GALM: variants seen among roughly 807,000 people sequenced by gnomAD.
GALM encodes galactose mutarotase.
A neutral mutation model predicts 37.4 loss-of-function variants in GALM; 43 were observed. The observed-to-expected ratio is 1.15, with a 90% confidence interval of 0.90 to 1.48. The LOEUF is 1.48. GALM is among the 40% of genes most tolerant of loss of function. The pLI is 0.00. For missense variants in GALM, 456 were observed against 419.1 expected (o/e 1.09, Z -0.77); for synonymous variants, 199 against 170.6 (o/e 1.17, Z -1.30).
chr2:38,682,619 A>G (rs948523410), intron 3 of GALM, among the ~76,000 whole-genome samples: 23 of 152,212 alleles, frequency 1.5e-4, no homozygotes, highest in African/African-American at 4.8e-4. Context: ...AAACAAGGCC[A>G]GGTGCTGTGG....
At chr2:38,707,366 G>A (rs780589538) in intron 4 of GALM, among the ~76,000 whole-genome samples, 23 of 152,216 alleles carry the variant, frequency 1.5e-4, no homozygotes, top group African/African-American at 4.3e-4. Context: ...GGAAACTCTA[G>A]GAAACAACCA....
At chr2:38,685,674 C>A (rs568832936) in intron 3 of GALM, among the ~76,000 whole-genome samples, 2 of 152,042 alleles carry the variant, frequency 1.3e-5, no homozygotes, top group East Asian at 3.9e-4. Flanking sequence ...GTTTTTCCAG[C>A]CTAGAAGAGT....
rs1287397244 is a variant in GALM at position 38,729,629 on chromosome 2, C to T, written c.708C>T (p.Asp236=). 1.9e-6 allele frequency: 3 copies of T among 1,613,206 alleles called. No homozygotes were observed. Among genetic ancestry groups the T allele is most frequent in the Non-Finnish European group, 2.5e-6 (3 of 1,179,206 alleles). ...TGGAGCTTGGAAAACACCTGCAGGA[C>T]TTCCATCTCAATGGTTTTGACCACA... ...KPVELGKHLQ[D]FHLNGFDHNF... is the part of the protein sequence containing the mutation. The change falls in exon 5 of 7, where the codon GAC becomes GAT. Residue 236 remains aspartate, a synonymous_variant. Transcript: ENST00000272252.
At chr2:38,686,086 G>A (rs1410781855) in intron 3 of GALM, among the ~76,000 whole-genome samples, 1 of 151,668 alleles carries the variant, frequency 6.6e-6, no homozygotes, top group Non-Finnish European at 1.5e-5. Context: ...GAGGGTGGGT[G>A]CCTGATGAAT....
At chr2:38,701,470 T>A (rs1304045560) in intron 4 of GALM, among the ~76,000 whole-genome samples, 4 of 152,220 alleles carry the variant, frequency 2.6e-5, no homozygotes, top group Admixed American at 6.5e-5. Flanking sequence ...TCTTCTTTTT[T>A]ATTCTTATAA....
chr2:38,730,278 C>T (rs915268784), intron 5 of GALM, among the ~76,000 whole-genome samples: 13 of 152,090 alleles, frequency 8.5e-5, no homozygotes, highest in Non-Finnish European at 1.8e-4. Flanking sequence ...TGTGTGTGTG[C>T]GTGTGTGTGA....
At chr2:38,712,253 T>A (rs1354117400) in intron 4 of GALM, among the ~76,000 whole-genome samples, 1 of 152,208 alleles carries the variant, frequency 6.6e-6, no homozygotes, top group African/African-American at 2.4e-5. Flanking sequence ...CACCTAGTCA[T>A]ACACAAGGTC....
Position 38,675,955 on chromosome 2 carries a change from G to T in GALM, c.234G>T (p.Arg78Ser). ...KQPYFGAVIG[R>S]VANRIAKGTF... The stretch of plus-strand genomic sequence containing the variant: ...CATACTTTGGAGCAGTTATTGGGAG[G>T]GTGGCCAACCGAATCGCCAAAGGAA... Residue 78 changes from arginine (R) to serine (S), a missense_variant, in exon 2 of 7, where the codon AGG becomes AGT. Transcript: ENST00000272252. 1 of 1,614,054 alleles carries T rather than the reference G, an allele frequency of 6.2e-7. No homozygotes were observed. Among genetic ancestry groups the T allele is most frequent in the East Asian group, 2.2e-5 (1 of 44,878 alleles).
chr2:38,686,211 A>G (rs1665515154), intron 3 of GALM, among the ~76,000 whole-genome samples: 1 of 113,158 alleles, frequency 8.8e-6, no homozygotes, highest in Non-Finnish European at 1.9e-5. Context: ...AAAACCACAG[A>G]AAGTGGAAAT....
rs1255611902 is a variant in GALM, at chr2:38,675,988, G to C, written c.267G>C (p.Lys89Asn). ...VANRIAKGTFKVDGKEYHLAI... is the reference protein window; with the variant it reads ...VANRIAKGTFNVDGKEYHLAI... ...ACCGAATCGCCAAAGGAACCTTCAA[G>C]GTGGATGGGAAGGAGTATCACCTGG... Residue 89 changes from lysine (K) to asparagine (N), a missense_variant, in exon 2 of 7, where the codon AAG (lysine) becomes AAC (asparagine). Lys to Asn is a moderately conservative substitution (Grantham distance 94). Transcript: ENST00000272252. 4 of 1,613,976 alleles carry C rather than the reference G, an allele frequency of 2.5e-6. No individual in the cohort carries two copies. Among genetic ancestry groups the C allele is most frequent in the African/African-American group, 2.7e-5 (2 of 74,902 alleles).
intron 3 of GALM, among the ~76,000 whole-genome samples, chr2:38,688,505 C>T (rs556930979): frequency 3.3e-4 from 49 of 149,866 alleles, no homozygotes; most frequent in East Asian, 2.0e-4. Context: ...GAGCGAAACT[C>T]GGTCTCAGAA....
intron 6 of GALM, among the ~76,000 whole-genome samples, chr2:38,732,494 A>G (rs1666628090): frequency 6.6e-6 from 1 of 152,198 alleles, no homozygotes; most frequent in South Asian, 2.1e-4. Flanking sequence ...CTCCTTAACA[A>G]TACCTTCTCG....
chr2:38,680,230 C>T (rs528670068), intron 2 of GALM: 69 of 288,504 alleles, frequency 2.4e-4, no homozygotes, highest in African/African-American at 1.6e-3. Context: ...CTATGTTGCC[C>T]AGGCTGGTCT....
At chr2:38,715,290 G>T (rs1263964514) in intron 4 of GALM, among the ~76,000 whole-genome samples, 1 of 152,116 alleles carries the variant, frequency 6.6e-6, no homozygotes, top group African/African-American at 2.4e-5. Context: ...GCATATACTT[G>T]GGTCTTGCTT....
At chr2:38,720,817 C>T (rs960045363) in intron 4 of GALM, among the ~76,000 whole-genome samples, 1 of 152,188 alleles carries the variant, frequency 6.6e-6, no homozygotes, top group African/African-American at 2.4e-5. Context: ...GTGACTTGAG[C>T]TTCCTTACAG....
intron 2 of GALM, among the ~76,000 whole-genome samples, chr2:38,680,928 G>C (rs1665378103): frequency 6.6e-6 from 1 of 152,138 alleles, no homozygotes; most frequent in African/African-American, 2.4e-5. Context: ...TTGAGGTCAG[G>C]AGTTCGAGAC....
Position 38,681,210 on chromosome 2 carries a change from T to A in GALM, c.346-70T>A, listed in dbSNP as rs575605662. 2.6e-6 allele frequency: 3 copies of A among 1,176,470 alleles called. No individual in the cohort carries two copies. In the East Asian group the frequency reaches 7.0e-5, roughly 28 times the overall value. 72.9% of individuals were successfully genotyped at this position (1,176,470 alleles called of 1,614,324 possible). On this transcript the variant is annotated intron_variant, in intron 2 of 6. Coordinates refer to ENST00000272252, the MANE Select transcript of GALM (RefSeq NM_138801.3). ...TTTTCCTTGTGAAATCAGTTGTCTTTAAATATTGAAATATGGCATTTAGCT... is the reference window on the plus strand; with the variant it reads ...TTTTCCTTGTGAAATCAGTTGTCTTAAAATATTGAAATATGGCATTTAGCT...
At chr2:38,722,062 A>C (rs1666391863) in intron 4 of GALM, among the ~76,000 whole-genome samples, 1 of 48,356 alleles carries the variant, frequency 2.1e-5, no homozygotes, top group African/African-American at 7.0e-5. Flanking sequence ...CACCTAGAAC[A>C]GAAGCGCATC....
At chr2:38,731,597 C>T in intron 5 of GALM, 138 bp from the exon 6 acceptor site, 2 of 682,956 alleles carry the variant, frequency 2.9e-6, no homozygotes, top group South Asian at 3.6e-5. Flanking sequence ...TCATGCTCTT[C>T]CTACCTTCAT....
Sources: allele counts gnomAD v4.1 joint callset (sites outside exome capture counted in the v4.1 genomes callset), GRCh38; gene constraint gnomAD v4.1.1; transcripts MANE v1.5; gene names NCBI Gene and HGNC (gene_info 2026-07-23, HGNC 2026-07-21).